The following TMEM163 variants were observed in gnomAD, a reference collection of about 807,000 sequenced individuals.
TMEM163 encodes the protein transmembrane protein 163.
A neutral mutation model predicts 29.3 loss-of-function variants in TMEM163; 17 were observed. The ratio of observed to expected loss-of-function variants is 0.58; its 90% confidence interval spans 0.40 to 0.87. The LOEUF (loss-of-function observed/expected upper bound fraction) is 0.87, where lower values mean the gene tolerates loss of function less well. Ranked by LOEUF, TMEM163 falls within the 40% of genes least tolerant of loss-of-function variation. TMEM163 has a pLI of 0.00. For missense variants in TMEM163, 303 were observed against 381.5 expected (o/e 0.79, Z 1.71); for synonymous variants, 157 against 160.6 (o/e 0.98, Z 0.17).
chr2:134,579,148 C>G (rs1307006363), intron 2 of TMEM163, among the ~76,000 whole-genome samples: 1 of 152,114 alleles, frequency 6.6e-6, no homozygotes, highest in African/African-American at 2.4e-5. Context: ...AATGGCTTCC[C>G]CCAAATCCTC....
At chr2:134,586,028 CAAGGCTCTAAGGACCACAA>C in intron 2 of TMEM163, among the ~76,000 whole-genome samples, 1 of 152,202 alleles carries the variant, frequency 6.6e-6, no homozygotes, top group African/African-American at 2.4e-5. Flanking sequence ...GAAGAGCAAG[CAAGGCTCTAAGGACCACAA>C]AACAGTGTTC....
intron 2 of TMEM163, among the ~76,000 whole-genome samples, chr2:134,590,138 T>A (rs1330033191): frequency 6.6e-6 from 1 of 151,306 alleles, no homozygotes; most frequent in East Asian, 2.0e-4. Flanking sequence ...TTTTTTTCTA[T>A]AAGAGTCATT....
intron 2 of TMEM163, among the ~76,000 whole-genome samples, chr2:134,595,645 C>T (rs750269095): frequency 3.5e-4 from 53 of 152,090 alleles, no homozygotes; most frequent in Non-Finnish European, 6.2e-4. Flanking sequence ...ATTCGATGGC[C>T]GGGTCAAATG....
intron 2 of TMEM163, among the ~76,000 whole-genome samples, chr2:134,597,215 G>C (rs1682107383): frequency 6.6e-6 from 1 of 152,308 alleles, no homozygotes; most frequent in African/African-American, 2.4e-5. Flanking sequence ...AATGCTTCCA[G>C]TTTTTGCACA....
intron 2 of TMEM163, among the ~76,000 whole-genome samples, chr2:134,707,504 G>A (rs1469412089): frequency 1.3e-5 from 2 of 152,124 alleles, no homozygotes; most frequent in Non-Finnish European, 1.5e-5. Context: ...ATAAATACAC[G>A]ACCAGCAAAC....
At chr2:134,622,417 G>T (rs1216178932) in intron 2 of TMEM163, among the ~76,000 whole-genome samples, 1 of 152,182 alleles carries the variant, frequency 6.6e-6, no homozygotes, top group Non-Finnish European at 1.5e-5. Flanking sequence ...AATGAAATAT[G>T]CCAAGAATTT....
intron 2 of TMEM163, among the ~76,000 whole-genome samples, chr2:134,638,071 C>T (rs1311845047): frequency 6.6e-6 from 1 of 152,170 alleles, no homozygotes; most frequent in Non-Finnish European, 1.5e-5. Flanking sequence ...TTGTTTAACA[C>T]AAATAGAGAC....
intron 2 of TMEM163, among the ~76,000 whole-genome samples, chr2:134,695,157 A>T (rs1222495964): frequency 6.6e-6 from 1 of 152,062 alleles, no homozygotes; most frequent in Admixed American, 6.6e-5. Context: ...GCTCACTGCA[A>T]CCTCCGCCTC....
intron 4 of TMEM163, among the ~76,000 whole-genome samples, chr2:134,539,396 G>A (rs1027014637): frequency 6.6e-6 from 1 of 152,210 alleles, no homozygotes; most frequent in Non-Finnish European, 1.5e-5. Context: ...TCATAAGGGA[G>A]GTAAACGCAC....
intron 2 of TMEM163, among the ~76,000 whole-genome samples, chr2:134,685,524 G>C (rs981313450): frequency 1.3e-5 from 2 of 152,180 alleles, no homozygotes; most frequent in African/African-American, 4.8e-5. Context: ...GAGTAATAAA[G>C]CATAATTTAG....
chr2:134,526,221 G>A lies in TMEM163; in HGVS notation c.459-23224C>T, dbSNP rs188001501. ...TTGGGAAATCGATGGGAGAAGAAAA[G>A]GAGTTTTTCCTTCTTTTTAATAAAA... On this transcript the variant is annotated intron_variant, in intron 4 of 7. Transcript: ENST00000281924. Among the ~76,000 whole-genome samples, 18 of 152,286 alleles carry A rather than the reference G, an allele frequency of 1.2e-4. No individual in the cohort carries two copies. In the East Asian group the frequency reaches 2.1e-3, roughly 18 times the overall value.
At chr2:134,537,301 G>A (rs935314385) in intron 4 of TMEM163, among the ~76,000 whole-genome samples, 1 of 152,202 alleles carries the variant, frequency 6.6e-6, no homozygotes, top group African/African-American at 2.4e-5. Context: ...GACTGACTGG[G>A]CAGCTTAAGC....
intron 4 of TMEM163, among the ~76,000 whole-genome samples, chr2:134,518,500 C>T (rs1680122245): frequency 6.6e-6 from 1 of 152,332 alleles, no homozygotes; most frequent in South Asian, 2.1e-4. Flanking sequence ...ATGTAACGCA[C>T]CACAGTGCTG....
chr2:134,466,272 C>T, intron 5 of TMEM163, 47 bp from the exon 6 acceptor site: 1 of 1,506,706 alleles, frequency 6.6e-7, no homozygotes. Flanking sequence ...CCTGCTGGAG[C>T]AGATCATCTG....
intron 2 of TMEM163, among the ~76,000 whole-genome samples, chr2:134,688,217 T>C (rs909534675): frequency 2.6e-5 from 4 of 152,294 alleles, no homozygotes; most frequent in South Asian, 2.1e-4. Context: ...GCTTCAGTTA[T>C]GTGCCTCGGC....
chr2:134,637,798 T>TAAC (rs1276899633), intron 2 of TMEM163, among the ~76,000 whole-genome samples: 3 of 152,258 alleles, frequency 2.0e-5, no homozygotes, highest in Non-Finnish European at 4.4e-5. Context: ...AGCTCACATT[T>TAAC]ATTTCAATGT....
At chr2:134,579,314 G>A (rs1339591831) in intron 2 of TMEM163, among the ~76,000 whole-genome samples, 1 of 152,086 alleles carries the variant, frequency 6.6e-6, no homozygotes, top group Non-Finnish European at 1.5e-5. Context: ...TTTTTCTCAC[G>A]CTACAAAATA....
At chr2:134,674,626 G>A (rs1314315768) in intron 2 of TMEM163, among the ~76,000 whole-genome samples, 1 of 151,906 alleles carries the variant, frequency 6.6e-6, no homozygotes, top group African/African-American at 2.4e-5. Flanking sequence ...CCAAAGTGCT[G>A]GGATTACAGG....
At chr2:134,595,817 G>A (rs1382668124) in intron 2 of TMEM163, among the ~76,000 whole-genome samples, 1 of 152,226 alleles carries the variant, frequency 6.6e-6, no homozygotes, top group Non-Finnish European at 1.5e-5. Flanking sequence ...TCTAACTGGT[G>A]TGAGATAGTA....
Sources: allele counts gnomAD v4.1 joint callset (sites outside exome capture counted in the v4.1 genomes callset), GRCh38; gene constraint gnomAD v4.1.1; transcripts MANE v1.5; gene names NCBI Gene and HGNC (gene_info 2026-07-23, HGNC 2026-07-21).